SP3: variants seen among roughly 807,000 people sequenced by gnomAD.
SP3 encodes transcription factor Sp3.
Under a neutral mutation model 70.3 loss-of-function variants are expected in SP3, and 10 were observed. The observed-to-expected ratio is 0.14, with a 90% CI of 0.09 to 0.24. SP3 has a LOEUF of 0.24. SP3 is among the 10% of genes least tolerant of loss of function. The probability of loss-of-function intolerance (pLI) is 1.00; values close to 1 mark genes in which losing one functional copy is unlikely to be tolerated. For missense variants in SP3, 825 were observed against 914.6 expected, an observed-to-expected ratio of 0.90 and a Z score of 1.26; for synonymous variants, 402 against 333.5, an observed-to-expected ratio of 1.21 and a Z score of -2.24.
chr2:173,920,884 C>A (rs1377908646), intron 4 of SP3, among the ~76,000 whole-genome samples: 2 of 152,122 alleles, frequency 1.3e-5, no homozygotes, highest in Non-Finnish European at 2.9e-5. Flanking sequence ...AGCCACTGAG[C>A]CCAGTTTAAA....
At chr2:173,962,801 T>C (rs1406645819) in intron 3 of SP3, among the ~76,000 whole-genome samples, 1 of 151,762 alleles carries the variant, frequency 6.6e-6, no homozygotes, top group African/African-American at 2.4e-5. Context: ...TTCATTATTT[T>C]AATAGGTGAA....
chr2:173,937,165 C>T (rs1690233176), intron 4 of SP3, among the ~76,000 whole-genome samples: 1 of 152,164 alleles, frequency 6.6e-6, no homozygotes, highest in African/African-American at 2.4e-5. Flanking sequence ...CTTGTTCACC[C>T]GCTCTCTCAA....
chr2:173,937,176 G>T (rs1031337611), intron 4 of SP3, among the ~76,000 whole-genome samples: 2 of 152,148 alleles, frequency 1.3e-5, no homozygotes, highest in Non-Finnish European at 2.9e-5. Flanking sequence ...GCTCTCTCAA[G>T]TTCTTGAGCC....
intron 4 of SP3, among the ~76,000 whole-genome samples, chr2:173,927,985 A>C (rs1302319769): frequency 1.3e-5 from 2 of 152,160 alleles, no homozygotes; most frequent in Admixed American, 6.5e-5. Context: ...AACATTCATA[A>C]TTATAGTTTT....
rs769668462 is a variant in SP3, at chr2:173,904,039, GATC to G, written c.*5899_*5901del. ...TGTAGGATGAAACTGCTCTACCTCA[GATC>G]ATCAGACATTAGATTCTCTTAAGGA... On this transcript the variant is annotated 3_prime_UTR_variant, in exon 7 of 7. Transcript: ENST00000310015. 6.6e-6 allele frequency among the ~76,000 whole-genome samples: 1 copy of G among 152,108 alleles called. No individual in the cohort carries two copies. The highest frequency in any genetic ancestry group is 2.4e-5 in the African/African-American group (1 of 41,408).
chr2:173,910,349 A>G, intron 6 of SP3, 92 bp from the exon 7 acceptor site: 1 of 1,051,238 alleles, frequency 9.5e-7, no homozygotes, highest in Middle Eastern at 2.1e-4. Context: ...GTCAACGCTG[A>G]CAGGTGAGGA....
chr2:173,924,913 CAG>C (rs948531265), intron 4 of SP3, among the ~76,000 whole-genome samples: 2 of 152,274 alleles, frequency 1.3e-5, no homozygotes, highest in East Asian at 1.9e-4. Context: ...TTGTTTGAGA[CAG>C]AGTGTCACAT....
Position 173,917,377 on chromosome 2 carries a change from T to C in SP3, c.1832+1216A>G, listed in dbSNP as rs890090241. Among the ~76,000 whole-genome samples the C allele has an allele frequency of 9.9e-5, 15 of 152,046 alleles. No homozygotes were observed. In the East Asian group the frequency reaches 2.9e-3, roughly 29 times the overall value. On this transcript the variant is annotated intron_variant, in intron 5 of 6. Transcript: ENST00000310015. Reference sequence around the variant, plus strand: ...GGATCAGATGTAGAAGGAGAGTCACTTGGGAGGCAGTATAGTTTAATGGTT... The same window carrying C: ...GGATCAGATGTAGAAGGAGAGTCACCTGGGAGGCAGTATAGTTTAATGGTT...
chr2:173,941,034 T>C (rs914926907), intron 4 of SP3, among the ~76,000 whole-genome samples: 18 of 150,902 alleles, frequency 1.2e-4, no homozygotes, highest in African/African-American at 4.4e-4. Flanking sequence ...CTCTCCTCTA[T>C]CATTAATTTG....
At chr2:173,943,897 T>C (rs1478545745) in intron 4 of SP3, among the ~76,000 whole-genome samples, 2 of 152,208 alleles carry the variant, frequency 1.3e-5, no homozygotes, top group East Asian at 3.8e-4. Context: ...CTACTACATA[T>C]CTAGGCTATA....
In SP3 at chr2:173,909,957, T is replaced by C; in HGVS notation, c.2330A>G (p.Asn777Ser). Residue 777 changes from asparagine to serine, a missense_variant, in exon 7 of 7, where the codon AAT becomes AGT. Physicochemically the swap from Asn to Ser is conservative, Grantham distance 46. Around this residue, in one of 4 missense-constraint regions of SP3, gnomAD observed 91 missense variants for 97.4 expected, o/e 0.93. Transcript: ENST00000310015. ...IPLQLVTVSG[N>S]ETME is the part of the protein sequence containing the mutation. The stretch of plus-strand genomic sequence containing the variant: ...GTGTAATATTTACTCCATTGTCTCA[T>C]TTCCAGAAACTGTGACAAGCTGTAA... The C allele has an allele frequency of 6.2e-7, 1 of 1,613,434 alleles. No individual in the cohort carries two copies. Among genetic ancestry groups the C allele is most frequent in the Non-Finnish European group, 8.5e-7 (1 of 1,179,400 alleles).
At chr2:173,953,657 A>C (rs1034440385) in intron 4 of SP3, among the ~76,000 whole-genome samples, 1 of 152,034 alleles carries the variant, frequency 6.6e-6, no homozygotes, top group Non-Finnish European at 1.5e-5. Flanking sequence ...AATCCCAGTT[A>C]CTCGAGAGGC....
In SP3 at chr2:173,913,273, AAC is replaced by A. The variant is rs749080192; in HGVS notation, c.1833-9_1833-8del. 2 of 1,581,122 alleles carry A rather than the reference AAC, an allele frequency of 1.3e-6. No homozygotes were observed. The highest frequency in any genetic ancestry group is 1.7e-6 in the Non-Finnish European group (2 of 1,160,292). On this transcript the variant is annotated splice_region_variant and splice_polypyrimidine_tract_variant and intron_variant, in intron 5 of 6. Transcript: ENST00000310015. The stretch of plus-strand genomic sequence containing the variant: ...TTTCCCAAGATTGGTACCTCTAAAA[AAC>A]ACACATAGAATAATATATACTTATA...
intron 4 of SP3, among the ~76,000 whole-genome samples, chr2:173,953,767 C>CAAA (rs201223476): frequency 1.9e-5 from 2 of 107,870 alleles, no homozygotes; most frequent in African/African-American, 9.5e-5. Flanking sequence ...GACTCCATCT[C>CAAA]AAAAAACAAA....
At chr2:173,953,851 T>A (rs1164300953) in intron 4 of SP3, among the ~76,000 whole-genome samples, 1 of 150,048 alleles carries the variant, frequency 6.7e-6, no homozygotes, top group South Asian at 2.1e-4. Context: ...TAAAAAAAAA[T>A]AATCACAGCT....
rs940187222 is a variant in SP3 at position 173,901,619 on chromosome 2, C to A, written c.*8322G>T. 6.6e-6 allele frequency among the ~76,000 whole-genome samples: 1 copy of A among 151,590 alleles called. No individual in the cohort carries two copies. Among genetic ancestry groups the A allele is most frequent in the Non-Finnish European group, 1.5e-5 (1 of 67,950 alleles). On this transcript the variant is annotated 3_prime_UTR_variant, in exon 7 of 7. Coordinates refer to ENST00000310015, the MANE Select transcript of SP3 (RefSeq NM_003111.5). ...GAGTTATCATTTCACATCCATCAACCCATCATGTGCAGTAGCCTATATCCC... is the reference window on the plus strand; with the variant it reads ...GAGTTATCATTTCACATCCATCAACACATCATGTGCAGTAGCCTATATCCC...
chr2:173,963,976 C>T, intron 2 of SP3, 93 bp from the exon 3 acceptor site: 1 of 841,234 alleles, frequency 1.2e-6, no homozygotes, highest in Non-Finnish European at 1.7e-6. Context: ...ACGACTCGGT[C>T]CCCGCCGACT....
chr2:173,917,771 A>T (rs1034940238), intron 5 of SP3, among the ~76,000 whole-genome samples: 3 of 152,086 alleles, frequency 2.0e-5, no homozygotes, highest in Non-Finnish European at 4.4e-5. Flanking sequence ...GTGACTATTA[A>T]ATCTTCTTGG....
intron 5 of SP3, chr2:173,915,788 T>A (rs1352697205): frequency 6.6e-6 from 1 of 152,144 alleles, no homozygotes; most frequent in Admixed American, 6.5e-5. Flanking sequence ...TATCTCTCAC[T>A]AGTTTAAACA....
Sources: gnomAD v4.1 joint callset for allele counts (sites outside exome capture counted in the v4.1 genomes callset) on GRCh38, gnomAD v4.1.1 for gene constraint, gnomAD v4.1.1 regional missense constraint, MANE v1.5 for transcripts, NCBI Gene and HGNC (gene_info 2026-07-23, HGNC 2026-07-21) for gene names.